ARAF: variants seen among roughly 807,000 people sequenced by gnomAD.
The protein encoded by ARAF is A-Raf proto-oncogene, serine/threonine kinase, also known as serine/threonine-protein kinase A-Raf.
In ARAF, 18 loss-of-function variants were observed where a neutral mutation model predicts 48.0. The observed-to-expected ratio is 0.37, with a 90% CI of 0.26 to 0.56. ARAF has a LOEUF of 0.56. Ranked by LOEUF, ARAF falls within the 20% of genes least tolerant of loss-of-function variation. The pLI is 0.77. For missense variants in ARAF, 389 were observed against 543.1 expected (o/e 0.72, Z 2.82); for synonymous variants, 207 against 220.1 (o/e 0.94, Z 0.53).
At chrX:47,566,244 C>G (rs777809178) in intron 6 of ARAF, among the ~76,000 whole-genome samples, 2 of 111,873 alleles carry the variant, frequency 1.8e-5, no homozygotes, top group East Asian at 5.6e-4. Context: ...GTGTGGCCTG[C>G]TATCCTGCCT....
rs1207873066 is a variant in ARAF at position 47,571,876 on chromosome X, T to C, written c.*419T>C. On this transcript the variant is annotated 3_prime_UTR_variant, in exon 16 of 16. Transcript: ENST00000377045. ...CCCCGCCATTCAAGGACTCCTCTCT[T>C]TCTTCACCAAGAAGCACAGAATTCT... The C allele has an allele frequency of 1.6e-5, 3 of 185,866 alleles. No individual in the cohort carries two copies. The highest frequency in any genetic ancestry group is 1.7e-4 in the East Asian group (2 of 11,986). 15.3% of individuals were successfully genotyped at this position (185,866 alleles called of 1,213,427 possible). A position where few individuals can be genotyped will look rare whatever the true frequency, so the allele number is the denominator to read the frequency against.
rs2057759110 is a variant in ARAF at position 47,571,635 on chromosome X, G to A, written c.*178G>A. On this transcript the variant is annotated 3_prime_UTR_variant, in exon 16 of 16. Coordinates refer to ENST00000377045, the MANE Select transcript of ARAF (RefSeq NM_001654.5). ...GTTCTTCTGGAATTGGGGGACCCCC[G>A]CCAAAGACTGAGCCCCCTGTCTCCT... 6 of 643,934 alleles carry A rather than the reference G, an allele frequency of 9.3e-6. No homozygotes were observed. The highest frequency in any genetic ancestry group is 4.3e-5 in the Admixed American group (1 of 23,165). The allele number at this position is 643,934 out of a possible 1,213,427, so 53.1% of individuals were successfully genotyped here.
At chrX:47,571,143 T>TGTG in intron 15 of ARAF, 131 bp downstream of exon 15, 1 of 790,949 alleles carries the variant, frequency 1.3e-6, no homozygotes, top group Non-Finnish European at 1.7e-6. Flanking sequence ...GTGTGTGTGT[T>TGTG]TCACCATGAG....
Position 47,566,652 on chromosome X carries a change from C to T in ARAF, c.571C>T (p.His191Tyr), listed in dbSNP as rs372462744. 8.3e-5 allele frequency: 97 copies of T among 1,172,409 alleles called. No individual in the cohort carries two copies. In the Middle Eastern group the frequency reaches 2.2e-3, roughly 26 times the overall value. Residue 191 changes from histidine (H) to tyrosine (Y), a missense_variant, in exon 7 of 16, where the codon CAC (histidine) becomes TAC (tyrosine). Physicochemically the swap from His to Tyr is moderately conservative, Grantham distance 83. Transcript: ENST00000377045. ...TPQGPSPRTQ[H>Y]CDPEHFPFPA... is the part of the protein sequence containing the mutation. ...TTCCCCTGGCAGCCCCCGCACCCAG[C>T]ACTGTGACCCGGAGCACTTCCCCTT...
chrX:47,567,529 G>C, intron 10 of ARAF, 97 bp downstream of exon 10: 2 of 940,659 alleles, frequency 2.1e-6, no homozygotes, highest in Non-Finnish European at 2.9e-6. Flanking sequence ...GACATCACCT[G>C]TGTTTGTGTT....
chrX:47,570,793 C>T (rs1260558490), intron 14 of ARAF, 85 bp from the exon 15 acceptor site: 15 of 1,009,252 alleles, frequency 1.5e-5, no homozygotes, highest in Non-Finnish European at 1.8e-5. Context: ...AAAAATGAAC[C>T]TTCCAAGTCC....
At chrX:47,567,480 C>T (rs2057738930) in intron 10 of ARAF, 48 bp downstream of exon 10, 1 of 1,143,440 alleles carries the variant, frequency 8.7e-7, no homozygotes, top group African/African-American at 1.8e-5. Flanking sequence ...CCGGCCTTGG[C>T]ATCTCTCTGG....
chrX:47,570,072 C>T, intron 14 of ARAF, 48 bp downstream of exon 14: 1 of 1,180,476 alleles, frequency 8.5e-7, no homozygotes, highest in Non-Finnish European at 1.1e-6. Flanking sequence ...GGGATCCCCT[C>T]AGGCATCCAT....
In ARAF at chrX:47,565,217, G is replaced by A. The variant is rs151113368; in HGVS notation, c.459-35G>A. On this transcript the variant is annotated intron_variant, in intron 5 of 15. Transcript: ENST00000377045. ...CGAGGCCCTTACAGACAGCTGACCC[G>A]TGTCCCCTTGCTTTATACCCTTCAT... The A allele has an allele frequency of 0.012, 14,510 of 1,207,320 alleles. 467 individuals are homozygous for A. The East Asian group carries it at 0.16, about 13-fold the overall frequency.
At chrX:47,570,762 C>CT in intron 14 of ARAF, 116 bp from the exon 15 acceptor site, 1 of 717,207 alleles carries the variant, frequency 1.4e-6, no homozygotes. Context: ...GGCCTTGATA[C>CT]TGACAGTACC....
chrX:47,571,235 G>A (rs2147910204), intron 15 of ARAF, 88 bp from the exon 16 acceptor site: 1 of 1,062,556 alleles, frequency 9.4e-7, no homozygotes, highest in South Asian at 2.2e-5. Context: ...GTGTGTGTGT[G>A]TGTGTGTGTG....
intron 2 of ARAF, 46 bp from the exon 3 acceptor site, chrX:47,563,180 G>T: frequency 2.6e-6 from 3 of 1,168,522 alleles, no homozygotes; most frequent in Non-Finnish European, 3.5e-6. Context: ...CATCAGCTGC[G>T]CTTCTGTTGG....
At chrX:47,570,129 GA>G (rs1474890463) in intron 14 of ARAF, 105 bp downstream of exon 14, 1 of 985,032 alleles carries the variant, frequency 1.0e-6, no homozygotes, top group East Asian at 3.3e-5. Flanking sequence ...ACTTTCCCCA[GA>G]AACCTAAAAT....
At chrX:47,562,602 G>C (rs1294905148) in intron 1 of ARAF, among the ~76,000 whole-genome samples, 1 of 108,962 alleles carries the variant, frequency 9.2e-6, no homozygotes, top group Non-Finnish European at 1.9e-5. Context: ...CCCCAGCACA[G>C]AGTCTTGTGT....
intron 12 of ARAF, 38 bp from the exon 13 acceptor site, chrX:47,569,501 C>G (rs1026226394): frequency 1.8e-6 from 2 of 1,118,267 alleles, no homozygotes; most frequent in African/African-American, 1.8e-5. Context: ...AGAGGCATGG[C>G]TATTAGGAGT....
intron 6 of ARAF, among the ~76,000 whole-genome samples, chrX:47,566,367 C>A (rs1321058418): frequency 8.9e-6 from 1 of 111,913 alleles, no homozygotes; most frequent in Non-Finnish European, 1.9e-5. Context: ...TTGCACCTAT[C>A]ACCATCAGGC....
rs1184448764 is a variant in ARAF at position 47,571,388 on chromosome X, C to T, written c.1752C>T (p.Pro584=). 7 of 1,208,514 alleles carry T rather than the reference C, an allele frequency of 5.8e-6. No individual in the cohort carries two copies. Among genetic ancestry groups the T allele is most frequent in the Non-Finnish European group, 7.8e-6 (7 of 894,482 alleles). Residue 584 remains proline (P), a synonymous_variant, in exon 16 of 16, where the codon CCC becomes CCT. Coordinates refer to ENST00000377045, the MANE Select transcript of ARAF (RefSeq NM_001654.5). ...LPKIERSASE[P]SLHRTQADEL... ...AGATTGAGCGGAGTGCCTCGGAACC[C>T]TCCTTGCACCGCACCCAGGCCGATG...
intron 1 of ARAF, among the ~76,000 whole-genome samples, 157 bp from the exon 2 acceptor site, chrX:47,562,752 G>A (rs759638440): frequency 1.8e-5 from 2 of 112,022 alleles, no homozygotes; most frequent in Non-Finnish European, 3.8e-5. Flanking sequence ...GGAACTGGAA[G>A]GACTTCAGAT....
At chrX:47,566,820 G>C (rs2147905830) in intron 7 of ARAF, 40 bp downstream of exon 7, 1 of 1,211,895 alleles carries the variant, frequency 8.3e-7, no homozygotes, top group Non-Finnish European at 1.1e-6. Flanking sequence ...CCACAGGGCA[G>C]AGGGTAGAGC....
Sources: gnomAD v4.1 joint callset for allele counts (sites outside exome capture counted in the v4.1 genomes callset) on GRCh38, gnomAD v4.1.1 for gene constraint, MANE v1.5 for transcripts, NCBI Gene and HGNC (gene_info 2026-07-23, HGNC 2026-07-21) for gene names.